Variants in RNPEPL1 observed in about 807,000 individuals in gnomAD.
The protein encoded by RNPEPL1 is arginyl aminopeptidase like 1.
Under a neutral mutation model 69.0 loss-of-function variants are expected in RNPEPL1, and 46 were observed. That is an observed-to-expected ratio of 0.67 (90% CI 0.53 to 0.85). The LOEUF is 0.85. Among genes scored for constraint, RNPEPL1 ranks in the 40% least tolerant of loss-of-function variants. RNPEPL1 has a pLI of 0.00. For missense variants in RNPEPL1, 869 were observed against 992.5 expected (o/e 0.88, Z 1.67); for synonymous variants, 525 against 454.1 (o/e 1.16, Z -1.98).
In RNPEPL1 at chr2:240,579,468, C is replaced by G. The variant is rs2093047375; in HGVS notation, c.*1576C>G. The G allele has an allele frequency of 6.6e-6, 1 of 152,164 alleles. No homozygotes were observed. The highest frequency in any genetic ancestry group is 1.5e-5 in the Non-Finnish European group (1 of 68,090). The allele number at this position is 152,164 out of a possible 1,614,324, so 9.4% of individuals were successfully genotyped here. On this transcript the variant is annotated 3_prime_UTR_variant, in exon 11 of 11. Coordinates refer to ENST00000270357, the MANE Select transcript of RNPEPL1 (RefSeq NM_018226.6). ...TTCATGTACCTTCTTCACATCAGGTCTGGGGGAGGCGCCACCCCATCCAGA... is the reference window on the plus strand; with the variant it reads ...TTCATGTACCTTCTTCACATCAGGTGTGGGGGAGGCGCCACCCCATCCAGA...
At chr2:240,573,437 C>A (rs1208217851) in intron 3 of RNPEPL1, among the ~76,000 whole-genome samples, 176 bp downstream of exon 3, 2 of 152,216 alleles carry the variant, frequency 1.3e-5, no homozygotes, top group Non-Finnish European at 2.9e-5. Context: ...CACCCATGTG[C>A]CCTCAGACCC....
intron 1 of RNPEPL1, among the ~76,000 whole-genome samples, chr2:240,570,353 C>A (rs1028565000): frequency 6.6e-6 from 1 of 152,186 alleles, no homozygotes; most frequent in African/African-American, 2.4e-5. Context: ...TGGCATAGTC[C>A]CCCAAGTCTG....
chr2:240,575,197 C>A, intron 7 of RNPEPL1, 55 bp downstream of exon 7: 1 of 1,398,882 alleles, frequency 7.1e-7, no homozygotes, highest in Non-Finnish European at 1.0e-6. Context: ...CAGCCCCTCC[C>A]CGGCTCACAG....
In RNPEPL1 at chr2:240,577,621, C is replaced by T. The variant is rs759616155; in HGVS notation, c.1907C>T (p.Pro636Leu). The change falls in exon 11 of 11, where the codon CCG becomes CTG. Residue 636 changes from proline to leucine, a missense_variant. Physicochemically the swap from Pro to Leu is moderately conservative, Grantham distance 98 (BLOSUM62 -3). Transcript: ENST00000270357. ...CAGATGTCACGCATGTACACCATCC[C>T]GCTGTACGAGGACCTCTGCACCGGT... ...ESQMSRMYTI[P>L]LYEDLCTGAL... The T allele has an allele frequency of 8.8e-6, 14 of 1,596,820 alleles. No individual in the cohort carries two copies. Among genetic ancestry groups the T allele is most frequent in the Admixed American group, 1.7e-5 (1 of 59,276 alleles).
intron 9 of RNPEPL1, 22 bp downstream of exon 9, chr2:240,576,787 G>GGGCGGCCCAGGGGCTGGGGTGCAAC: frequency 6.2e-7 from 1 of 1,612,504 alleles, no homozygotes; most frequent in Non-Finnish European, 8.5e-7. Context: ...CAGCTGATGG[G>GGGCGGCCCAGGGGCTGGGGTGCAAC]GGCGGCCCAG....
At chr2:240,573,942 G>A (rs528118881) in intron 4 of RNPEPL1, 51 bp downstream of exon 4, 26 of 1,524,346 alleles carry the variant, frequency 1.7e-5, no homozygotes, top group East Asian at 2.4e-5. Context: ...GGAGTCAGAG[G>A]GGGAGCCCCT....
rs2093038284 is a variant in RNPEPL1 at position 240,576,579 on chromosome 2, GCTGAGCCGGACCTGTCTCAGGGATCCAGC to G, written c.1560_1588del (p.Glu520AspfsTer27). The G allele has an allele frequency of 6.2e-7, 1 of 1,612,836 alleles. No individual in the cohort carries two copies. Among genetic ancestry groups the G allele is most frequent in the Non-Finnish European group, 8.5e-7 (1 of 1,179,992 alleles). On this transcript the variant is annotated frameshift_variant, in exon 9 of 11. Coordinates refer to ENST00000270357, the MANE Select transcript of RNPEPL1 (RefSeq NM_018226.6). LOFTEE classifies it high-confidence loss of function. ...GCTCAATGCCACAGGCCCGCCGCTGGCTGAGCCGGACCTGTCTCAGGGATCCAGCCTGACCCGGCCCGTGGAGGCCCTTT... is the reference window on the plus strand; with the variant it reads ...GCTCAATGCCACAGGCCCGCCGCTGGCTGACCCGGCCCGTGGAGGCCCTTT...
intron 10 of RNPEPL1, 115 bp from the exon 11 acceptor site, chr2:240,577,484 C>G: frequency 8.3e-7 from 1 of 1,203,104 alleles, no homozygotes; most frequent in South Asian, 1.5e-5. Context: ...GGCCACAGCC[C>G]TAATGATGAA....
In RNPEPL1 at chr2:240,568,769, G is replaced by T; in HGVS notation, c.183G>T (p.Leu61=). Residue 61 remains leucine, a synonymous_variant, in exon 1 of 11, where the codon CTG becomes CTT. Transcript: ENST00000270357. The surrounding 1 kb of genome is among the most constrained non-coding windows in gnomAD (Gnocchi z 6.2). ...AGGCGCGCGAGTTGGCCGGCTGCCT[G>T]GTGCTCGAGCTGTGCGCGCTGCGGC... ...RPEARELAGC[L]VLELCALRPA... The T allele has an allele frequency of 1.9e-6, 2 of 1,072,118 alleles. No homozygotes were observed. Among genetic ancestry groups the T allele is most frequent in the South Asian group, 3.4e-5 (1 of 29,780 alleles). The allele number at this position is 1,072,118 out of a possible 1,614,324, so 66.4% of individuals were successfully genotyped here.
In RNPEPL1 at chr2:240,574,607, C is replaced by A; in HGVS notation, c.1267C>A (p.Leu423Met). 6.2e-7 allele frequency: 1 copy of A among 1,612,892 alleles called. No homozygotes were observed. Residue 423 changes from leucine to methionine, a missense_variant, in exon 6 of 11, where the codon CTG becomes ATG. Transcript: ENST00000270357. The stretch of plus-strand genomic sequence containing the variant: ...GGGAGAGGACAGCCCGGTCAGCAAA[C>A]TGCAGGTCAAGCTGGAGCCAGGTAC... ...LLGEDSPVSK[L>M]QVKLEPGVNP...
In RNPEPL1 at chr2:240,568,510, CG is replaced by C; in HGVS notation, c.-76del. The stretch of plus-strand genomic sequence containing the variant: ...ACTTCCTGTTGTGCCCGCGCCCCGC[CG>C]CCGCCGCCGCCCGGCGCCCCTCGCC... On this transcript the variant is annotated 5_prime_UTR_variant, in exon 1 of 11. Transcript: ENST00000270357. This position sits in a 1 kb window ranked among gnomAD's most constrained non-coding sequence, Gnocchi z 6.2. 1.3e-6 allele frequency: 1 copy of C among 744,402 alleles called. No individual in the cohort carries two copies. The highest frequency in any genetic ancestry group is 1.6e-6 in the Non-Finnish European group (1 of 612,956). The allele number at this position is 744,402 out of a possible 1,614,324, so 46.1% of individuals were successfully genotyped here. A position where few individuals can be genotyped will look rare whatever the true frequency, so the allele number is the denominator to read the frequency against.
intron 4 of RNPEPL1, 57 bp downstream of exon 4, chr2:240,573,948 C>T (rs2093030181): frequency 6.7e-7 from 1 of 1,495,522 alleles, no homozygotes; most frequent in Middle Eastern, 1.7e-4. Flanking sequence ...AGAGGGGGAG[C>T]CCCTCGTCTG....
At chr2:240,571,548 G>C (rs759100254) in intron 1 of RNPEPL1, among the ~76,000 whole-genome samples, 1 of 152,208 alleles carries the variant, frequency 6.6e-6, no homozygotes, top group South Asian at 2.1e-4. Context: ...GGAGAGGTCA[G>C]AATTCCTGGA....
chr2:240,577,977 T>C lies in RNPEPL1; in HGVS notation c.*85T>C, dbSNP rs577400521. 1.9e-5 allele frequency: 25 copies of C among 1,333,746 alleles called. No individual in the cohort carries two copies. Among genetic ancestry groups the C allele is most frequent in the Middle Eastern group, 5.5e-4 (2 of 3,614 alleles). The allele number at this position is 1,333,746 out of a possible 1,614,324, so 82.6% of individuals were successfully genotyped here. ...AGGCCTGCCATGACTGCGTCTCGGC[T>C]CTGGCCATGAGCTCTGCCCAGGCCC... On this transcript the variant is annotated 3_prime_UTR_variant, in exon 11 of 11. Transcript: ENST00000270357.
intron 2 of RNPEPL1, 69 bp downstream of exon 2, chr2:240,572,632 C>A (rs2975769): frequency 0.3 from 456,146 of 1,518,110 alleles, 72,828 homozygotes; most frequent in East Asian, 0.69. Context: ...GCCGCCTCCC[C>A]CTTGCTCCTA....
chr2:240,573,322 G>T (rs2093027853), intron 3 of RNPEPL1, 61 bp downstream of exon 3: 6 of 1,501,528 alleles, frequency 4.0e-6, no homozygotes, highest in Non-Finnish European at 5.3e-6. Flanking sequence ...CCCCACCGGG[G>T]GTCTGTGGCC....
At chr2:240,576,009 G>A (rs1015022481) in intron 8 of RNPEPL1, 2 of 283,706 alleles carry the variant, frequency 7.0e-6, no homozygotes, top group Admixed American at 4.6e-5. Context: ...GGAAGGCACT[G>A]CAGGGTTCAG....
chr2:240,574,591 C>A lies in RNPEPL1; in HGVS notation c.1251C>A (p.Asp417Glu). The change falls in exon 6 of 11, where the codon GAC (aspartate) becomes GAA (glutamate). Residue 417 changes from aspartate (D) to glutamate (E), a missense_variant. Asp to Glu is a conservative substitution (Grantham distance 45). Coordinates refer to ENST00000270357, the MANE Select transcript of RNPEPL1 (RefSeq NM_018226.6). ...LHRQMKLLGEDSPVSKLQVKL... is the reference protein window; with the variant it reads ...LHRQMKLLGEESPVSKLQVKL... ...GGCAGATGAAGCTTCTGGGAGAGGA[C>A]AGCCCGGTCAGCAAACTGCAGGTCA... is the stretch of plus-strand genomic sequence containing the variant. 1 of 1,612,928 alleles carries A rather than the reference C, an allele frequency of 6.2e-7. No homozygotes were observed. Among genetic ancestry groups the A allele is most frequent in the Non-Finnish European group, 8.5e-7 (1 of 1,179,968 alleles).
At chr2:240,575,744 C>G (rs1010970640) in intron 8 of RNPEPL1, 134 bp downstream of exon 8, 1 of 705,258 alleles carries the variant, frequency 1.4e-6, no homozygotes, top group Non-Finnish European at 2.5e-6. Flanking sequence ...CCAACCCTTG[C>G]TGGACCATGT....
Sources: gnomAD v4.1 joint callset for allele counts (sites outside exome capture counted in the v4.1 genomes callset) on GRCh38, gnomAD v4.1.1 for gene constraint, Gnocchi (gnomAD v3.1) non-coding constraint, MANE v1.5 for transcripts, NCBI Gene and HGNC (gene_info 2026-07-23, HGNC 2026-07-21) for gene names.